PCDH15: variants seen among roughly 807,000 people sequenced by gnomAD.
PCDH15 encodes the protein protocadherin-15.
In PCDH15, 129 loss-of-function variants were observed where a neutral mutation model predicts 178.5. The ratio of observed to expected loss-of-function variants is 0.72; its 90% CI spans 0.63 to 0.84. The LOEUF is 0.84. Ranked by LOEUF, PCDH15 falls within the 40% of genes least tolerant of loss-of-function variation. The pLI is 0.00. For missense variants in PCDH15, 2,230 were observed against 2,099.9 expected (o/e 1.06, Z -1.21); for synonymous variants, 800 against 732.0 (o/e 1.09, Z -1.50).
At chr10:53,995,048 A>T (rs2091758929) in intron 21 of PCDH15, 1 of 152,110 alleles carries the variant, frequency 6.6e-6, no homozygotes, top group East Asian at 1.9e-4. Context: ...AAAACAAGGT[A>T]TTTATAGAAA....
intron 2 of PCDH15, among the ~76,000 whole-genome samples, chr10:55,351,665 C>T (rs1335707547): frequency 6.6e-6 from 1 of 152,092 alleles, no homozygotes; most frequent in African/African-American, 2.4e-5. Context: ...GTCTGAGAAA[C>T]TCATTTATTC....
chr10:55,297,273 AG>A (rs1229706528), intron 1 of PCDH15, among the ~76,000 whole-genome samples: 1 of 152,176 alleles, frequency 6.6e-6, no homozygotes, highest in African/African-American at 2.4e-5. Context: ...TCATTAAAAA[AG>A]TAATTCCATG....
Position 53,871,480 on chromosome 10 carries a change from G to GTGTGTGTGTGTA in PCDH15, c.3502-4624_3502-4623insTACACACACACA, listed in dbSNP as rs1164989375. 4.0e-5 allele frequency among the ~76,000 whole-genome samples: 6 copies of GTGTGTGTGTGTA among 150,240 alleles called. No individual in the cohort carries two copies. The South Asian group carries it at 1.0e-3, about 26-fold the overall frequency. On this transcript the variant is annotated intron_variant, in intron 26 of 37. Coordinates refer to ENST00000644397, the MANE Select transcript of PCDH15 (RefSeq NM_001384140.1). ...TGTGTGTGTGTGTGTGTGTGTGTGT[G>GTGTGTGTGTGTA]TATATACACAAAAATATAAATATGA...
rs1393791927 is a variant in PCDH15 at position 54,195,904 on chromosome 10, A to G, written c.1099-15T>C. On this transcript the variant is annotated splice_polypyrimidine_tract_variant and intron_variant, in intron 10 of 37. Transcript: ENST00000644397. ...TCTTGTTCAGCCTAAAATTGAAAAG[A>G]AAAGAAAATATTTAGAAAGTATATG... is the stretch of plus-strand genomic sequence containing the variant. The G allele has an allele frequency of 1.2e-5, 20 of 1,604,696 alleles. No homozygotes were observed. The highest frequency in any genetic ancestry group is 1.6e-5 in the Non-Finnish European group (19 of 1,171,780).
intron 2 of PCDH15, among the ~76,000 whole-genome samples, chr10:55,557,048 C>T (rs1842104145): frequency 6.6e-6 from 1 of 152,112 alleles, no homozygotes; most frequent in Non-Finnish European, 1.5e-5. Flanking sequence ...CTGCTGCTTA[C>T]ATTTTGTGCA....
intron 3 of PCDH15, among the ~76,000 whole-genome samples, chr10:54,512,358 A>AG (rs2081765446): frequency 8.5e-5 from 5 of 58,878 alleles, no homozygotes; most frequent in Admixed American, 8.0e-4. Flanking sequence ...CATTTCTGGC[A>AG]TTGTGTGTGT....
In PCDH15 at chr10:53,866,726, A is replaced by G. The variant is rs570485008; in HGVS notation, c.3633T>C (p.His1211=). The G allele has an allele frequency of 2.2e-5, 35 of 1,613,632 alleles. No individual in the cohort carries two copies. The South Asian group carries it at 3.6e-4, about 17-fold the overall frequency. The change falls in exon 27 of 38, where the codon CAT becomes CAC. Residue 1211 remains histidine, a synonymous_variant. Coordinates refer to ENST00000644397, the MANE Select transcript of PCDH15 (RefSeq NM_001384140.1). ...ACTTGAAGTAGGATCTCCTCATATT[A>G]TGGAAGAGCATAGCAGTTTTGATAA... ...TGLIKTAMLF[H]NMRRSYFKFQ...
At chr10:55,294,903 GT>G (rs1244801071) in intron 1 of PCDH15, among the ~76,000 whole-genome samples, 1 of 152,008 alleles carries the variant, frequency 6.6e-6, no homozygotes, top group Non-Finnish European at 1.5e-5. Context: ...ATATTTTTCC[GT>G]ATTAAAATTT....
intron 2 of PCDH15, among the ~76,000 whole-genome samples, chr10:54,537,490 A>G (rs111664955): frequency 0.016 from 2,507 of 152,296 alleles, 74 homozygotes; most frequent in African/African-American, 0.056. Flanking sequence ...CTATAGGTCA[A>G]TATTCCTGAT....
At chr10:54,507,259 T>C (rs1210325266) in intron 3 of PCDH15, among the ~76,000 whole-genome samples, 1 of 151,686 alleles carries the variant, frequency 6.6e-6, no homozygotes, top group East Asian at 1.9e-4. Flanking sequence ...ATTTTACAGA[T>C]TTTCATTTAA....
At chr10:54,189,919 ATGTGTATGTGTGTGTG>A (rs1293260657) in intron 11 of PCDH15, among the ~76,000 whole-genome samples, 18 of 108,824 alleles carry the variant, frequency 1.7e-4, no homozygotes, top group Admixed American at 1.4e-3. Context: ...GTATACATGC[ATGTGTATGTGTGTGTG>A]TGTGTGTGTG....
chr10:55,408,320 A>T (rs1453398355), intron 2 of PCDH15, among the ~76,000 whole-genome samples: 1 of 151,600 alleles, frequency 6.6e-6, no homozygotes, highest in Non-Finnish European at 1.5e-5. Context: ...CGAGTAGCTG[A>T]GACTACAGGC....
intron 26 of PCDH15, among the ~76,000 whole-genome samples, chr10:53,868,481 GCT>G (rs2079607556): frequency 6.6e-6 from 1 of 152,070 alleles, no homozygotes; most frequent in African/African-American, 2.4e-5. Flanking sequence ...TTCTTAACCA[GCT>G]CTGTCTTATG....
chr10:55,068,105 TTTTTG>T (rs1331362334), intron 2 of PCDH15, among the ~76,000 whole-genome samples: 1 of 152,096 alleles, frequency 6.6e-6, no homozygotes, highest in Non-Finnish European at 1.5e-5. Flanking sequence ...ATTTTGTCCA[TTTTTG>T]TTTTATTTGC....
chr10:54,060,834 G>A (rs2093998586), intron 18 of PCDH15, among the ~76,000 whole-genome samples: 1 of 152,126 alleles, frequency 6.6e-6, no homozygotes, highest in African/African-American at 2.4e-5. Flanking sequence ...AGTATGTAAG[G>A]AGCATAAGAG....
chr10:54,321,071 A>C (rs1412212811), intron 7 of PCDH15, among the ~76,000 whole-genome samples: 1 of 73,806 alleles, frequency 1.4e-5, no homozygotes, highest in African/African-American at 5.2e-5. Context: ...ATGATTTTAC[A>C]TTTGACATTT....
At chr10:54,235,947 T>C (rs1237669747) in intron 9 of PCDH15, among the ~76,000 whole-genome samples, 1 of 152,238 alleles carries the variant, frequency 6.6e-6, no homozygotes, top group Non-Finnish European at 1.5e-5. Flanking sequence ...GCTTGAATTT[T>C]CTTTACAGAC....
At chr10:55,370,645 T>C (rs927609649) in intron 2 of PCDH15, among the ~76,000 whole-genome samples, 1 of 152,116 alleles carries the variant, frequency 6.6e-6, no homozygotes, top group Non-Finnish European at 1.5e-5. Flanking sequence ...AATTGCTTCT[T>C]GTTTTATGTT....
chr10:54,253,960 G>T (rs2056705577), intron 8 of PCDH15, among the ~76,000 whole-genome samples: 1 of 151,926 alleles, frequency 6.6e-6, no homozygotes, highest in Non-Finnish European at 1.5e-5. Context: ...AACATATACA[G>T]CATTTGTGCA....
Sources: gnomAD v4.1 joint callset for allele counts (sites outside exome capture counted in the v4.1 genomes callset) on GRCh38, gnomAD v4.1.1 for gene constraint, MANE v1.5 for transcripts, NCBI Gene and HGNC (gene_info 2026-07-23, HGNC 2026-07-21) for gene names.